IGF1R: variants seen among roughly 807,000 people sequenced by gnomAD.
IGF1R encodes the protein insulin like growth factor 1 receptor.
Under a neutral mutation model 144.6 loss-of-function variants are expected in IGF1R, and 44 were observed. That is an observed-to-expected ratio of 0.30 (90% CI 0.24 to 0.39). The LOEUF is 0.39. Ranked by LOEUF, IGF1R falls within the 10% of genes least tolerant of loss-of-function variation. The pLI is 1.00. For synonymous variants in IGF1R, 795 were observed against 722.8 expected, an observed-to-expected ratio of 1.10 and a Z score of -1.60; for missense variants, 1,355 against 1,833.7, an observed-to-expected ratio of 0.74 and a Z score of 4.77.
intron 2 of IGF1R, among the ~76,000 whole-genome samples, chr15:98,743,989 A>C (rs935487723): frequency 6.6e-6 from 1 of 152,156 alleles, no homozygotes; most frequent in Admixed American, 6.5e-5. Context: ...TGCTGGAGGA[A>C]GATCAGGTGG....
intron 5 of IGF1R, among the ~76,000 whole-genome samples, chr15:98,906,411 T>G (rs2014733921): frequency 6.6e-6 from 1 of 152,190 alleles, no homozygotes; most frequent in Non-Finnish European, 1.5e-5. Context: ...AGCCCGACAT[T>G]TGGGGGTGCA....
chr15:98,652,557 T>G (rs897034415), intron 1 of IGF1R, among the ~76,000 whole-genome samples: 1 of 152,356 alleles, frequency 6.6e-6, no homozygotes, highest in African/African-American at 2.4e-5. Context: ...TCATAATGTT[T>G]GATTTGTCGA....
chr15:98,858,979 G>A (rs1406326530), intron 2 of IGF1R, among the ~76,000 whole-genome samples: 1 of 152,024 alleles, frequency 6.6e-6, no homozygotes, highest in Non-Finnish European at 1.5e-5. Flanking sequence ...TGGTTCTGTT[G>A]TGGTTGTTCC....
At chr15:98,758,452 C>G (rs2055212284) in intron 2 of IGF1R, among the ~76,000 whole-genome samples, 1 of 152,130 alleles carries the variant, frequency 6.6e-6, no homozygotes, top group African/African-American at 2.4e-5. Context: ...GGGTTAGTGT[C>G]ACTCAAGGAA....
chr15:98,692,696 T>C (rs2053505251), intron 1 of IGF1R, among the ~76,000 whole-genome samples: 2 of 152,174 alleles, frequency 1.3e-5, no homozygotes, highest in Admixed American at 1.3e-4. Context: ...TCAAAGCCAT[T>C]ATCTAAAAGC....
chr15:98,729,047 G>A (rs1185645562), intron 2 of IGF1R, among the ~76,000 whole-genome samples: 1 of 152,218 alleles, frequency 6.6e-6, no homozygotes, highest in African/African-American at 2.4e-5. Flanking sequence ...TGAAATATTA[G>A]CTGATACTAT....
At chr15:98,656,059 T>G (rs2052477661) in intron 1 of IGF1R, among the ~76,000 whole-genome samples, 1 of 152,210 alleles carries the variant, frequency 6.6e-6, no homozygotes, top group African/African-American at 2.4e-5. Context: ...AAGTAGTTTC[T>G]TTTATGGTGA....
chr15:98,742,276 A>T (rs2054763282), intron 2 of IGF1R, among the ~76,000 whole-genome samples: 1 of 152,236 alleles, frequency 6.6e-6, no homozygotes, highest in Admixed American at 6.5e-5. Flanking sequence ...ATGAAGCCAG[A>T]TCTAAAACAG....
At chr15:98,660,953 G>C (rs907681236) in intron 1 of IGF1R, among the ~76,000 whole-genome samples, 2 of 152,140 alleles carry the variant, frequency 1.3e-5, no homozygotes, top group Non-Finnish European at 2.9e-5. Flanking sequence ...TGGTGCAGAG[G>C]GCCAGGGTGG....
rs1375430599 is a variant in IGF1R, at chr15:98,958,483, G to C, written c.*1041G>C. 1 of 189,916 alleles carries C rather than the reference G, an allele frequency of 5.3e-6. No homozygotes were observed. The highest frequency in any genetic ancestry group is 8.7e-5 in the East Asian group (1 of 11,554). 11.8% of individuals were successfully genotyped at this position (189,916 alleles called of 1,614,324 possible). A position where few individuals can be genotyped will look rare whatever the true frequency, so the allele number is the denominator to read the frequency against. The stretch of plus-strand genomic sequence containing the variant: ...TCAGCCCCACTGTTGATGCAGGTTT[G>C]CAAGGAAAGAAATTCAAACACCACA... On this transcript the variant is annotated 3_prime_UTR_variant, in exon 21 of 21. Coordinates refer to ENST00000650285, the MANE Select transcript of IGF1R (RefSeq NM_000875.5).
intron 2 of IGF1R, among the ~76,000 whole-genome samples, chr15:98,849,455 G>T (rs2011461448): frequency 6.6e-6 from 1 of 152,188 alleles, no homozygotes; most frequent in Non-Finnish European, 1.5e-5. Flanking sequence ...AACTATGAAA[G>T]TCCTGGAAGA....
chr15:98,702,844 G>A (rs1596207498), intron 1 of IGF1R, among the ~76,000 whole-genome samples: 3 of 152,302 alleles, frequency 2.0e-5, no homozygotes, highest in East Asian at 1.9e-4. Flanking sequence ...AGCTGAGGTG[G>A]AAGGATTGCT....
intron 2 of IGF1R, among the ~76,000 whole-genome samples, chr15:98,752,053 C>T (rs1178514143): frequency 6.6e-6 from 1 of 152,198 alleles, no homozygotes; most frequent in African/African-American, 2.4e-5. Flanking sequence ...TTCCTCTGTG[C>T]AGACTTGTAG....
intron 8 of IGF1R, among the ~76,000 whole-genome samples, chr15:98,914,533 T>A (rs903166215): frequency 6.6e-6 from 1 of 152,172 alleles, no homozygotes; most frequent in Non-Finnish European, 1.5e-5. Flanking sequence ...GAAACAAAAT[T>A]GGCACAGGCT....
chr15:98,668,454 A>G (rs1004763507), intron 1 of IGF1R, among the ~76,000 whole-genome samples: 10 of 152,244 alleles, frequency 6.6e-5, no homozygotes, highest in Admixed American at 1.3e-4. Context: ...ACTTGAAAGT[A>G]CATGTCTTCA....
chr15:98,742,554 A>G (rs2054770764), intron 2 of IGF1R, among the ~76,000 whole-genome samples: 1 of 152,192 alleles, frequency 6.6e-6, no homozygotes, highest in South Asian at 2.1e-4. Flanking sequence ...AGTTAACCCT[A>G]GGCTAGTGTG....
intron 2 of IGF1R, among the ~76,000 whole-genome samples, chr15:98,755,735 AAAAAAAAAAAAAAAAAAAG>A: frequency 7.6e-6 from 1 of 131,582 alleles, no homozygotes; most frequent in African/African-American, 3.1e-5. Context: ...AAAAAAAAAA[AAAAAAAAAAAAAAAAAAAG>A]GCATTACTGC....
chr15:98,826,662 C>T (rs2684767), intron 2 of IGF1R, among the ~76,000 whole-genome samples: 3 of 152,136 alleles, frequency 2.0e-5, no homozygotes, highest in African/African-American at 4.8e-5. Context: ...TTTAAGGTTC[C>T]AAGAGTACAT....
intron 2 of IGF1R, among the ~76,000 whole-genome samples, chr15:98,877,718 C>G (rs930718754): frequency 7.2e-5 from 11 of 152,046 alleles, no homozygotes; most frequent in African/African-American, 2.7e-4. Flanking sequence ...CTGTGATTTG[C>G]CTGTACAGGT....
Sources: allele counts gnomAD v4.1 joint callset (sites outside exome capture counted in the v4.1 genomes callset), GRCh38; gene constraint gnomAD v4.1.1; transcripts MANE v1.5; gene names NCBI Gene and HGNC (gene_info 2026-07-23, HGNC 2026-07-21).